The following COBL variants were observed in gnomAD, a reference collection of about 807,000 sequenced individuals.
COBL encodes protein cordon-bleu.
COBL carries 51 observed loss-of-function variants against 98.8 expected under a neutral mutation model. The observed-to-expected ratio is 0.52, with a 90% CI of 0.41 to 0.65. The LOEUF (loss-of-function observed/expected upper bound fraction) is 0.65, where lower values mean the gene tolerates loss of function less well. Ranked by LOEUF, COBL falls within the 30% of genes least tolerant of loss-of-function variation. The pLI is 0.00. For missense variants in COBL, 1,617 were observed against 1,617.5 expected (o/e 1.00, Z 0.01); for synonymous variants, 634 against 651.7 (o/e 0.97, Z 0.41).
chr7:51,115,795 A>G (rs1010161306), intron 6 of COBL, among the ~76,000 whole-genome samples: 4 of 151,980 alleles, frequency 2.6e-5, no homozygotes, highest in African/African-American at 9.7e-5. Flanking sequence ...TAGTTGTTCT[A>G]TCTGAGAGAT....
At chr7:51,051,925 T>A (rs1790278720) in intron 7 of COBL, among the ~76,000 whole-genome samples, 1 of 152,208 alleles carries the variant, frequency 6.6e-6, no homozygotes, top group Non-Finnish European at 1.5e-5. Flanking sequence ...TGTTGTTGTT[T>A]TTAAGCCAAT....
At chr7:51,274,115 T>A (rs1426069144) in intron 1 of COBL, among the ~76,000 whole-genome samples, 1 of 152,126 alleles carries the variant, frequency 6.6e-6, no homozygotes, top group African/African-American at 2.4e-5. Flanking sequence ...CTCGCTCCCC[T>A]TCCCCAGCAC....
chr7:51,237,903 T>G (rs6943377), intron 1 of COBL, among the ~76,000 whole-genome samples: 96,416 of 152,096 alleles, frequency 0.63, 30,806 homozygotes, highest in East Asian at 0.7. Context: ...AGCTGTCTGC[T>G]TACACCTGGA....
chr7:51,169,962 A>G (rs1787691702), intron 5 of COBL, among the ~76,000 whole-genome samples: 1 of 152,152 alleles, frequency 6.6e-6, no homozygotes, highest in South Asian at 2.1e-4. Flanking sequence ...ATAAATATAT[A>G]TACCTAGTCT....
chr7:51,137,646 T>C (rs1799365803), intron 5 of COBL, among the ~76,000 whole-genome samples: 1 of 152,168 alleles, frequency 6.6e-6, no homozygotes, highest in Non-Finnish European at 1.5e-5. Context: ...TTAGCTATTA[T>C]GATTATTACA....
intron 1 of COBL, among the ~76,000 whole-genome samples, chr7:51,260,562 C>T (rs990206617): frequency 4.6e-5 from 7 of 152,184 alleles, no homozygotes; most frequent in African/African-American, 1.7e-4. Context: ...ATACAATGCT[C>T]GTGGAGCAGA....
intron 8 of COBL, 76 bp from the exon 9 acceptor site, chr7:51,030,985 G>C: frequency 9.8e-7 from 1 of 1,022,078 alleles, no homozygotes; most frequent in Non-Finnish European, 1.5e-6. Context: ...AGGAATATCT[G>C]AGGATAGAAC....
intron 7 of COBL, chr7:51,071,772 C>A (rs1187858645): frequency 6.6e-6 from 1 of 152,200 alleles, no homozygotes. Context: ...CAATCTTCTA[C>A]AATCTTTAAG....
intron 8 of COBL, among the ~76,000 whole-genome samples, chr7:51,040,386 T>C (rs1307972646): frequency 6.6e-6 from 1 of 152,118 alleles, no homozygotes; most frequent in African/African-American, 2.4e-5. Flanking sequence ...AGCATCTTCA[T>C]CCTCATCTGA....
chr7:51,119,225 T>C (rs1161738217), intron 6 of COBL, among the ~76,000 whole-genome samples: 5 of 152,192 alleles, frequency 3.3e-5, no homozygotes, highest in Admixed American at 3.3e-4. Flanking sequence ...GGTACCATAG[T>C]ATTTAGGCTA....
At chr7:51,166,504 C>T (rs1313760634) in intron 5 of COBL, among the ~76,000 whole-genome samples, 3 of 152,078 alleles carry the variant, frequency 2.0e-5, no homozygotes, top group Non-Finnish European at 4.4e-5. Flanking sequence ...GGTGTCTTCA[C>T]TGCTAAATTC....
At position 51,028,343 on chromosome 7, in the gene COBL, G is replaced by A. The variant is rs750675985; in HGVS notation, c.2753C>T (p.Pro918Leu). 3 of 1,614,252 alleles carry A rather than the reference G, an allele frequency of 1.9e-6. No homozygotes were observed. Among genetic ancestry groups the A allele is most frequent in the Non-Finnish European group, 2.5e-6 (3 of 1,180,040 alleles). The change falls in exon 10 of 13, where the codon CCA becomes CTA. Residue 918 changes from proline to leucine, a missense_variant. Coordinates refer to ENST00000265136, the MANE Select transcript of COBL (RefSeq NM_015198.5). ...CTTCCATCCTTGTGTCTCTGAGTGT[G>A]GGCTGGATGTCCTGTCATCTTTCAC... ...VTVKDDRTSS[P>L]HSETQGWKDG...
chr7:51,145,785 C>T lies in COBL; in HGVS notation c.784-9454G>A, dbSNP rs375815228. 2.6e-4 allele frequency among the ~76,000 whole-genome samples: 39 copies of T among 152,336 alleles called. 1 individual carries two copies. The highest frequency in any genetic ancestry group is 9.1e-4 in the African/African-American group (38 of 41,568). ...ATGAACAAGGGTTCCAGTTTATCCA[C>T]GTCCTGGCCAACATTTGTTTTCCTT... On this transcript the variant is annotated intron_variant, in intron 5 of 12. Transcript: ENST00000265136.
chr7:51,112,955 A>G (rs1796967035), intron 6 of COBL, among the ~76,000 whole-genome samples: 1 of 152,200 alleles, frequency 6.6e-6, no homozygotes, highest in Admixed American at 6.5e-5. Flanking sequence ...CCTACAACCG[A>G]AAATAAATTT....
At chr7:51,219,202 G>A (rs952005514) in intron 2 of COBL, among the ~76,000 whole-genome samples, 1 of 152,198 alleles carries the variant, frequency 6.6e-6, no homozygotes, top group Non-Finnish European at 1.5e-5. Flanking sequence ...GGAACTGAGG[G>A]TCTCAAATTC....
chr7:51,231,625 G>T (rs866225624), intron 1 of COBL, among the ~76,000 whole-genome samples: 1 of 152,204 alleles, frequency 6.6e-6, no homozygotes, highest in Admixed American at 6.5e-5. Context: ...AGCAGCATGC[G>T]ACAGAGAGGT....
At chr7:51,086,362 A>G (rs1330191715) in intron 6 of COBL, among the ~76,000 whole-genome samples, 2 of 51,194 alleles carry the variant, frequency 3.9e-5, no homozygotes, top group Admixed American at 1.9e-4. Context: ...GTCTCAGAAA[A>G]AAAAAAAAAA....
chr7:51,213,981 T>C (rs1197520933), intron 2 of COBL, among the ~76,000 whole-genome samples: 1 of 152,076 alleles, frequency 6.6e-6, no homozygotes. Context: ...AAGACAATGC[T>C]GGCTGTGGGC....
intron 1 of COBL, among the ~76,000 whole-genome samples, chr7:51,309,159 C>T (rs1203975230): frequency 6.6e-6 from 1 of 152,148 alleles, no homozygotes; most frequent in African/African-American, 2.4e-5. Context: ...CTCTGATCCC[C>T]CCTGCCTCCA....
Sources: allele counts gnomAD v4.1 joint callset (sites outside exome capture counted in the v4.1 genomes callset), GRCh38; gene constraint gnomAD v4.1.1; transcripts MANE v1.5; gene names NCBI Gene and HGNC (gene_info 2026-07-23, HGNC 2026-07-21).